Variants in LHFPL3 observed in about 807,000 individuals in gnomAD.
LHFPL3 encodes LHFPL tetraspan subfamily member 3.
Under a neutral mutation model 19.3 loss-of-function variants are expected in LHFPL3, and 5 were observed. That is an observed-to-expected ratio of 0.26 (90% CI 0.14 to 0.54). The LOEUF (loss-of-function observed/expected upper bound fraction) is 0.54, where lower values mean the gene tolerates loss of function less well. Among genes scored for constraint, LHFPL3 ranks in the 20% least tolerant of loss-of-function variants. The pLI, the probability that LHFPL3 is intolerant of heterozygous loss-of-function variation, is 0.94. For synonymous variants in LHFPL3, 133 were observed against 126.2 expected (o/e 1.05, Z -0.36); for missense variants, 249 against 307.4 (o/e 0.81, Z 1.42).
At chr7:104,657,514 T>A (rs1044517831) in intron 1 of LHFPL3, among the ~76,000 whole-genome samples, 1 of 152,268 alleles carries the variant, frequency 6.6e-6, no homozygotes, top group African/African-American at 2.4e-5. Context: ...CTTTAATGCC[T>A]AATATGTGTA....
chr7:104,632,176 T>C (rs1791656175), intron 1 of LHFPL3, among the ~76,000 whole-genome samples: 1 of 152,158 alleles, frequency 6.6e-6, no homozygotes, highest in Non-Finnish European at 1.5e-5. Flanking sequence ...ATCATTTGTG[T>C]TGGGTGAGGT....
At chr7:104,352,264 T>C (rs1045952514) in intron 1 of LHFPL3, among the ~76,000 whole-genome samples, 10 of 151,968 alleles carry the variant, frequency 6.6e-5, no homozygotes, top group African/African-American at 2.2e-4. Flanking sequence ...TATATTTATA[T>C]TGTAAGCATA....
At chr7:104,664,095 G>C (rs1354976907) in intron 1 of LHFPL3, among the ~76,000 whole-genome samples, 1 of 152,160 alleles carries the variant, frequency 6.6e-6, no homozygotes, top group African/African-American at 2.4e-5. Context: ...ATTCTTGCCT[G>C]ATAATATTGC....
At chr7:104,803,628 G>T (rs1342782377) in intron 2 of LHFPL3, 1 of 152,138 alleles carries the variant, frequency 6.6e-6, no homozygotes, top group African/African-American at 2.4e-5. Context: ...CCCACACCAG[G>T]GCAAATGTTT....
At chr7:104,904,778 C>T (rs758711204) in intron 2 of LHFPL3, among the ~76,000 whole-genome samples, 6 of 152,124 alleles carry the variant, frequency 3.9e-5, no homozygotes, top group Non-Finnish European at 8.8e-5. Flanking sequence ...TACCCAACTT[C>T]CCAATATATA....
At chr7:104,798,250 G>A in intron 2 of LHFPL3, 1 of 152,014 alleles carries the variant, frequency 6.6e-6, no homozygotes, top group Non-Finnish European at 1.5e-5. Context: ...ACACATGCCT[G>A]GCATATAAGA....
chr7:104,873,744 T>C (rs1480011576), intron 2 of LHFPL3, among the ~76,000 whole-genome samples: 1 of 152,228 alleles, frequency 6.6e-6, no homozygotes, highest in East Asian at 1.9e-4. Flanking sequence ...TCTGTATACA[T>C]TTCCAATGGG....
chr7:104,575,155 G>A (rs1435558920), intron 1 of LHFPL3, among the ~76,000 whole-genome samples: 3 of 152,180 alleles, frequency 2.0e-5, no homozygotes, highest in Non-Finnish European at 4.4e-5. Context: ...TTATTTCAAT[G>A]TCAATGTTGG....
intron 1 of LHFPL3, among the ~76,000 whole-genome samples, chr7:104,529,928 T>C (rs1233039895): frequency 1.3e-5 from 2 of 152,068 alleles, no homozygotes; most frequent in African/African-American, 2.4e-5. Context: ...AGTGTGGATA[T>C]GGAAAGAGGG....
At chr7:104,685,006 C>G (rs569098820) in intron 1 of LHFPL3, among the ~76,000 whole-genome samples, 1 of 152,272 alleles carries the variant, frequency 6.6e-6, no homozygotes, top group East Asian at 1.9e-4. Flanking sequence ...ATTATCCTGC[C>G]TTGGTGGTTA....
At chr7:104,455,028 G>A (rs954051336) in intron 1 of LHFPL3, among the ~76,000 whole-genome samples, 4 of 152,082 alleles carry the variant, frequency 2.6e-5, no homozygotes, top group African/African-American at 9.7e-5. Flanking sequence ...CCTCCTTATT[G>A]TGCCTGTCAT....
intron 1 of LHFPL3, among the ~76,000 whole-genome samples, chr7:104,595,055 C>T (rs1584426703): frequency 1.3e-5 from 2 of 152,218 alleles, no homozygotes; most frequent in African/African-American, 2.4e-5. Context: ...TTCTCAAAGT[C>T]ATTCTCCGTC....
chr7:104,360,841 C>G (rs139654607), intron 1 of LHFPL3, among the ~76,000 whole-genome samples: 2 of 152,176 alleles, frequency 1.3e-5, no homozygotes, highest in East Asian at 3.9e-4. Context: ...GCTGTGAAGA[C>G]TCAAAGATCC....
At chr7:104,855,525 C>G (rs1313534089) in intron 2 of LHFPL3, among the ~76,000 whole-genome samples, 3 of 152,140 alleles carry the variant, frequency 2.0e-5, no homozygotes, top group Non-Finnish European at 4.4e-5. Context: ...CCTGAAATGT[C>G]AGACTAGAGA....
intron 1 of LHFPL3, chr7:104,667,638 T>G: frequency 1.2e-6 from 1 of 801,250 alleles, no homozygotes; most frequent in Non-Finnish European, 1.9e-6. Flanking sequence ...ACATTGAACT[T>G]GAAACAGCCA....
chr7:104,465,284 A>G (rs1226442719), intron 1 of LHFPL3, among the ~76,000 whole-genome samples: 6 of 152,132 alleles, frequency 3.9e-5, no homozygotes, highest in Admixed American at 2.6e-4. Flanking sequence ...GCCATTCAAC[A>G]AGTCACTAGG....
At chr7:104,594,691 G>C (rs1299113013) in intron 1 of LHFPL3, among the ~76,000 whole-genome samples, 1 of 152,088 alleles carries the variant, frequency 6.6e-6, no homozygotes, top group Non-Finnish European at 1.5e-5. Context: ...ACGTAGATTT[G>C]GTCTTTTCAC....
At chr7:104,651,837 A>C (rs1365550201) in intron 1 of LHFPL3, among the ~76,000 whole-genome samples, 2 of 152,182 alleles carry the variant, frequency 1.3e-5, no homozygotes, top group Admixed American at 6.5e-5. Context: ...AATCTGTCTG[A>C]GCCTCAGTTT....
At chr7:104,752,355 CA>C (rs1428113214) in intron 2 of LHFPL3, among the ~76,000 whole-genome samples, 1 of 151,432 alleles carries the variant, frequency 6.6e-6, no homozygotes, top group Non-Finnish European at 1.5e-5. Flanking sequence ...AAACAGCTTC[CA>C]GGGGCATCAG....
Sources: allele counts gnomAD v4.1 joint callset (sites outside exome capture counted in the v4.1 genomes callset), GRCh38; gene constraint gnomAD v4.1.1; transcripts MANE v1.5; gene names NCBI Gene and HGNC (gene_info 2026-07-23, HGNC 2026-07-21).